CSNK2A2IP: variants seen among roughly 807,000 people sequenced by gnomAD.
CSNK2A2IP encodes the protein casein kinase 2 subunit alpha' interacting protein, also known as casein kinase II subunit alpha'-interacting protein.
chr3:88,466,469 A>C, the CSNK2A2IP span: 10 of 1,231,862 alleles, frequency 8.1e-6, no homozygotes, highest in Non-Finnish European at 9.1e-6. Flanking sequence ...ATCTCAGGTC[A>C]ATTATTATCA....
chr3:88,365,551 G>A, the CSNK2A2IP span, among the ~76,000 whole-genome samples: 5 of 152,116 alleles, frequency 3.3e-5, no homozygotes, highest in African/African-American at 7.2e-5. Flanking sequence ...GGATGGATTC[G>A]CTTTTCTGGA....
At chr3:88,466,113 A>C in the CSNK2A2IP span, 1 of 1,231,634 alleles carries the variant, frequency 8.1e-7, no homozygotes, top group Non-Finnish European at 1.0e-6. Flanking sequence ...AACTTCAAAC[A>C]AGTGACTTAT....
At chr3:88,370,158 C>T in the CSNK2A2IP span, among the ~76,000 whole-genome samples, 1 of 151,700 alleles carries the variant, frequency 6.6e-6, no homozygotes, top group Non-Finnish European at 1.5e-5. Flanking sequence ...CTGTGCCAGC[C>T]TAAATAACAG....
chr3:88,405,230 T>A, the CSNK2A2IP span, among the ~76,000 whole-genome samples: 4 of 152,172 alleles, frequency 2.6e-5, no homozygotes, highest in Admixed American at 6.5e-5. Flanking sequence ...TTCCCCCAAC[T>A]CTTTGAATAA....
At chr3:88,452,986 T>C in the CSNK2A2IP span, among the ~76,000 whole-genome samples, 2 of 152,120 alleles carry the variant, frequency 1.3e-5, no homozygotes, top group Admixed American at 6.6e-5. Flanking sequence ...AGTATAAATC[T>C]GAGAGATATT....
chr3:88,339,501 A>C, the CSNK2A2IP span, among the ~76,000 whole-genome samples: 1 of 152,058 alleles, frequency 6.6e-6, no homozygotes, highest in East Asian at 1.9e-4. Flanking sequence ...GCTGTAATAA[A>C]CATGGGAGTG....
At chr3:88,424,039 G>A in the CSNK2A2IP span, among the ~76,000 whole-genome samples, 11 of 151,990 alleles carry the variant, frequency 7.2e-5, no homozygotes, top group African/African-American at 2.4e-4. Flanking sequence ...ATTTCAACTC[G>A]GATATACTTG....
chr3:88,405,840 T>A, the CSNK2A2IP span, among the ~76,000 whole-genome samples: 5 of 152,274 alleles, frequency 3.3e-5, no homozygotes, highest in South Asian at 8.3e-4. Flanking sequence ...CATTCTTTAT[T>A]CCATTAGGGA....
chr3:88,431,288 C>G, the CSNK2A2IP span: 1 of 152,232 alleles, frequency 6.6e-6, no homozygotes, highest in Non-Finnish European at 1.5e-5. Context: ...CTTCTTCTCA[C>G]TACTGCACTT....
chr3:88,428,454 G>A, the CSNK2A2IP span, among the ~76,000 whole-genome samples: 1 of 152,100 alleles, frequency 6.6e-6, no homozygotes, highest in African/African-American at 2.4e-5. Flanking sequence ...GGGGCCAGAG[G>A]TAGAATGATA....
chr3:88,348,498 GT>G, the CSNK2A2IP span, among the ~76,000 whole-genome samples: 1 of 151,960 alleles, frequency 6.6e-6, no homozygotes, highest in Non-Finnish European at 1.5e-5. Context: ...ATATATATTT[GT>G]TTTTTATTCT....
the CSNK2A2IP span, among the ~76,000 whole-genome samples, chr3:88,456,038 T>C: frequency 8.6e-5 from 13 of 152,040 alleles, no homozygotes; most frequent in Admixed American, 8.5e-4. Flanking sequence ...TTCTGGGCTT[T>C]CCAATCTGTT....
At chr3:88,364,974 C>A in the CSNK2A2IP span, among the ~76,000 whole-genome samples, 2 of 152,078 alleles carry the variant, frequency 1.3e-5, no homozygotes, top group Non-Finnish European at 1.5e-5. Context: ...ATTTAGTATG[C>A]AGTTATGAGT....
At chr3:88,466,555 T>C in the CSNK2A2IP span, 1 of 1,231,734 alleles carries the variant, frequency 8.1e-7, no homozygotes, top group African/African-American at 1.6e-5. Context: ...CAGCTTTCAG[T>C]TTTCTCCAAA....
chr3:88,462,928 G>A, the CSNK2A2IP span, among the ~76,000 whole-genome samples: 1 of 152,062 alleles, frequency 6.6e-6, no homozygotes, highest in Admixed American at 6.6e-5. Context: ...TAATATTGTT[G>A]GTACTTGGAA....
At chr3:88,414,852 G>T in the CSNK2A2IP span, among the ~76,000 whole-genome samples, 1 of 151,820 alleles carries the variant, frequency 6.6e-6, no homozygotes, top group Non-Finnish European at 1.5e-5. Context: ...TAGTTAAATA[G>T]GAAAGACGAG....
At chr3:88,403,852 G>A in the CSNK2A2IP span, among the ~76,000 whole-genome samples, 6 of 152,102 alleles carry the variant, frequency 3.9e-5, no homozygotes, top group Non-Finnish European at 1.5e-5. Flanking sequence ...AGTGAAAGAA[G>A]TCAATGCTTT....
chr3:88,389,509 T>A, the CSNK2A2IP span, among the ~76,000 whole-genome samples: 8 of 152,030 alleles, frequency 5.3e-5, no homozygotes, highest in Non-Finnish European at 8.8e-5. Context: ...ATCGTAAGGA[T>A]GCTGGCTTTT....
chr3:88,438,075 T>A, the CSNK2A2IP span, among the ~76,000 whole-genome samples: 1 of 152,142 alleles, frequency 6.6e-6, no homozygotes, highest in Admixed American at 6.6e-5. Context: ...GATTCTACTC[T>A]TTACAGCTAA....
Sources: gnomAD v4.1 joint callset for allele counts (sites outside exome capture counted in the v4.1 genomes callset) on GRCh38, gnomAD v4.1.1 for gene constraint, MANE v1.5 for transcripts, NCBI Gene and HGNC (gene_info 2026-07-23, HGNC 2026-07-21) for gene names.